Variants in MAGI2 observed in about 807,000 individuals in gnomAD.
The protein encoded by MAGI2 is membrane-associated guanylate kinase, WW and PDZ domain-containing protein 2.
MAGI2 carries 35 observed loss-of-function variants against 133.3 expected under a neutral mutation model. That is an observed-to-expected ratio of 0.26 (90% confidence interval 0.20 to 0.35). The LOEUF is 0.35. MAGI2 is among the 10% of genes least tolerant of loss of function. The probability of loss-of-function intolerance (pLI) is 1.00; values close to 1 mark genes in which losing one functional copy is unlikely to be tolerated. For missense variants in MAGI2, 1,636 were observed against 1,863.4 expected (o/e 0.88, Z 2.25); for synonymous variants, 729 against 710.6 (o/e 1.03, Z -0.41).
chr7:78,781,823 C>T (rs1241372758), intron 2 of MAGI2, among the ~76,000 whole-genome samples: 1 of 152,086 alleles, frequency 6.6e-6, no homozygotes, highest in Admixed American at 6.6e-5. Flanking sequence ...GAGGTAGGCA[C>T]TGGAAGAGGT....
intron 2 of MAGI2, among the ~76,000 whole-genome samples, chr7:78,659,020 T>C (rs1461750791): frequency 6.6e-6 from 1 of 152,210 alleles, no homozygotes; most frequent in Non-Finnish European, 1.5e-5. Context: ...GCACATGTTA[T>C]AGCACCTTTA....
At chr7:79,418,637 T>C (rs770234253) in intron 1 of MAGI2, among the ~76,000 whole-genome samples, 2 of 151,906 alleles carry the variant, frequency 1.3e-5, no homozygotes, top group Non-Finnish European at 2.9e-5. Context: ...CTGGAATTGG[T>C]CTTTCTACAG....
At chr7:78,948,923 C>T (rs1004612452) in intron 2 of MAGI2, among the ~76,000 whole-genome samples, 1 of 151,998 alleles carries the variant, frequency 6.6e-6, no homozygotes, top group Non-Finnish European at 1.5e-5. Context: ...CAGACACATG[C>T]TCCTAAATTG....
Position 78,070,208 on chromosome 7 carries a change from T to TACACAC in MAGI2, c.3706+8738_3706+8739insGTGTGT, listed in dbSNP as rs1171215554. ...ATATATATATATATATATATATATA[T>TACACAC]ATATATATATACACACACACACACA... is the stretch of plus-strand genomic sequence containing the variant. On this transcript the variant is annotated intron_variant, in intron 21 of 21. Transcript: ENST00000354212. Among the ~76,000 whole-genome samples the TACACAC allele has an allele frequency of 7.6e-4, 37 of 48,718 alleles. No homozygotes were observed. In the East Asian group the frequency reaches 0.026, roughly 34 times the overall value. 32.0% of individuals were successfully genotyped at this position (48,718 alleles called of 152,430 possible).
intron 5 of MAGI2, among the ~76,000 whole-genome samples, chr7:78,494,446 T>C (rs935751775): frequency 1.3e-5 from 2 of 152,190 alleles, no homozygotes; most frequent in East Asian, 3.8e-4. Context: ...TTGAAAATTT[T>C]CTTATAGATC....
intron 2 of MAGI2, among the ~76,000 whole-genome samples, chr7:78,845,086 G>A (rs1310890186): frequency 6.6e-6 from 1 of 151,826 alleles, no homozygotes; most frequent in Non-Finnish European, 1.5e-5. Flanking sequence ...AGAAGTAACT[G>A]TTCCCCCTGG....
chr7:79,136,007 A>AAGAAAGAAAG (rs1562928816), intron 1 of MAGI2, among the ~76,000 whole-genome samples: 8 of 114,620 alleles, frequency 7.0e-5, no homozygotes, highest in African/African-American at 3.0e-4. Flanking sequence ...AAGAAAGAGA[A>AAGAAAGAAAG]AGAAAGAAAG....
chr7:79,088,732 T>G (rs777761990), intron 1 of MAGI2, among the ~76,000 whole-genome samples: 12 of 152,114 alleles, frequency 7.9e-5, no homozygotes, highest in Non-Finnish European at 1.2e-4. Context: ...GGTGTTAAAT[T>G]TTGTTGAAGG....
chr7:79,195,518 G>A (rs1828001413), intron 1 of MAGI2, among the ~76,000 whole-genome samples: 1 of 152,022 alleles, frequency 6.6e-6, no homozygotes, highest in Admixed American at 6.6e-5. Context: ...GCCATTTGTA[G>A]TTATGTCCAC....
intron 10 of MAGI2, among the ~76,000 whole-genome samples, chr7:78,233,172 C>T (rs1790155439): frequency 1.3e-5 from 2 of 152,064 alleles, no homozygotes; most frequent in South Asian, 4.1e-4. Context: ...TAGATACAAT[C>T]ATGTGGGTGG....
intron 2 of MAGI2, among the ~76,000 whole-genome samples, chr7:78,760,578 G>A (rs529485760): frequency 1.3e-5 from 2 of 152,110 alleles, no homozygotes; most frequent in Non-Finnish European, 2.9e-5. Context: ...CTTAGCTAAC[G>A]AAGTAACCCC....
At chr7:78,318,063 C>T (rs937875610) in intron 9 of MAGI2, among the ~76,000 whole-genome samples, 3 of 152,196 alleles carry the variant, frequency 2.0e-5, no homozygotes, top group African/African-American at 7.2e-5. Flanking sequence ...AATGCCTCTT[C>T]TCCTCCAAAG....
intron 1 of MAGI2, among the ~76,000 whole-genome samples, chr7:79,367,858 C>CACACACACACACACATATATATATATAT: frequency 1.1e-5 from 1 of 87,114 alleles, no homozygotes; most frequent in African/African-American, 4.6e-5. Flanking sequence ...ATATATGTGA[C>CACACACACACACACATATATATATATAT]ATATATATAT....
At chr7:78,880,393 T>C (rs1312886339) in intron 2 of MAGI2, among the ~76,000 whole-genome samples, 1 of 152,138 alleles carries the variant, frequency 6.6e-6, no homozygotes, top group Non-Finnish European at 1.5e-5. Flanking sequence ...AGAAACCTGA[T>C]GAGCCAGAAG....
chr7:79,025,680 T>G (rs1309971532), intron 1 of MAGI2, among the ~76,000 whole-genome samples: 1 of 152,144 alleles, frequency 6.6e-6, no homozygotes. Flanking sequence ...TTTATCAGTC[T>G]TGTCCTAGGT....
chr7:79,247,119 T>C (rs1282628571), intron 1 of MAGI2, among the ~76,000 whole-genome samples: 1 of 152,102 alleles, frequency 6.6e-6, no homozygotes, highest in Non-Finnish European at 1.5e-5. Flanking sequence ...ATTTCATCAA[T>C]ACCAGATCTG....
rs959879098 is a variant in MAGI2 at position 78,857,995 on chromosome 7, C to T, written c.418+149095G>A. Among the ~76,000 whole-genome samples, 7 of 152,188 alleles carry T rather than the reference C, an allele frequency of 4.6e-5. No individual in the cohort carries two copies. In the South Asian group the frequency reaches 1.2e-3, roughly 27 times the overall value. ...TTTAGTCTTGGGAGGGTGTATGTGT[C>T]GAGGAATTTATGCATTTCTTCTAGA... On this transcript the variant is annotated intron_variant, in intron 2 of 21. Transcript: ENST00000354212.
intron 3 of MAGI2, among the ~76,000 whole-genome samples, chr7:78,573,365 A>ATATATATATATATAT (rs1801906363): frequency 3.4e-5 from 1 of 29,048 alleles, no homozygotes; most frequent in Non-Finnish European, 5.2e-5. Context: ...GAATCCTGGA[A>ATATATATATATATAT]ATATATATAT....
chr7:78,669,932 A>T (rs189025216), intron 2 of MAGI2, among the ~76,000 whole-genome samples: 1 of 151,586 alleles, frequency 6.6e-6, no homozygotes, highest in Admixed American at 6.6e-5. Context: ...CAAAATAATA[A>T]GAGCTATCTA....
Sources: gnomAD v4.1 joint callset for allele counts (sites outside exome capture counted in the v4.1 genomes callset) on GRCh38, gnomAD v4.1.1 for gene constraint, MANE v1.5 for transcripts, NCBI Gene and HGNC (gene_info 2026-07-23, HGNC 2026-07-21) for gene names.